The following SLC25A44 variants were observed in gnomAD, a reference collection of about 807,000 sequenced individuals.
SLC25A44 encodes solute carrier family 25 member 44.
SLC25A44 carries 17 observed loss-of-function variants against 29.9 expected under a neutral mutation model. That is an observed-to-expected ratio of 0.57 (90% CI 0.39 to 0.85). The LOEUF (loss-of-function observed/expected upper bound fraction) is 0.85. Ranked by LOEUF, SLC25A44 falls within the 40% of genes least tolerant of loss-of-function variation. SLC25A44 has a pLI of 0.00. For missense variants in SLC25A44, 302 were observed against 398.4 expected (o/e 0.76, Z 2.06); for synonymous variants, 140 against 151.8 (o/e 0.92, Z 0.57).
Position 156,203,995 on chromosome 1 carries a change from C to T in SLC25A44, c.625+3523C>T, listed in dbSNP as rs549840723. On this transcript the variant is annotated intron_variant, in intron 2 of 3. Transcript: ENST00000359511. ...CAGGGATTACAGGCATGAGCCACCGCGCCTGGCCCTTCTTCTTTTTTTTTT... is the reference window on the plus strand; with the variant it reads ...CAGGGATTACAGGCATGAGCCACCGTGCCTGGCCCTTCTTCTTTTTTTTTT... Among the ~76,000 whole-genome samples the T allele has an allele frequency of 2.9e-3, 433 of 149,010 alleles. 3 individuals are homozygous for T. The highest frequency in any genetic ancestry group is 0.01 in the African/African-American group (409 of 40,546).
intron 1 of SLC25A44, chr1:156,199,570 A>C: frequency 2.1e-6 from 1 of 466,188 alleles, no homozygotes. Context: ...AGCCAGGGGA[A>C]TCATTGAAGT....
chr1:156,207,162 ACTCT>A (rs1171947423), intron 2 of SLC25A44, among the ~76,000 whole-genome samples: 1 of 148,472 alleles, frequency 6.7e-6, no homozygotes, highest in Non-Finnish European at 1.5e-5. Context: ...ACATAGTGAG[ACTCT>A]CTATACAAAA....
rs763103072 is a variant in SLC25A44 at position 156,200,386 on chromosome 1, G to A, written c.539G>A (p.Arg180His). 33 of 1,613,930 alleles carry A rather than the reference G, an allele frequency of 2.0e-5. No individual in the cohort carries two copies. Among genetic ancestry groups the A allele is most frequent in the African/African-American group, 5.3e-5 (4 of 74,926 alleles). ...IRQILQADGL[R>H]GFYRGYVASL... ...CAGATCCTGCAGGCTGATGGACTTCGCGGCTTCTATCGAGGCTATGTGGCT... is the reference window on the plus strand; with the variant it reads ...CAGATCCTGCAGGCTGATGGACTTCACGGCTTCTATCGAGGCTATGTGGCT... The change falls in exon 2 of 4, where the codon CGC becomes CAC. Residue 180 changes from arginine to histidine, a missense_variant. By Grantham distance (29) the Arg-to-His change is conservative (BLOSUM62 0). Coordinates refer to ENST00000359511, the MANE Select transcript of SLC25A44 (RefSeq NM_014655.4).
rs759213928 is a variant in SLC25A44, at chr1:156,209,366, TGA to T, written c.754-868_754-867del. On this transcript the variant is annotated intron_variant, in intron 3 of 3. Transcript: ENST00000359511. ...GGTTAGGGAAGCAGAGACGGTCACA[TGA>T]GAGAGTATTGGAGAGGAAGAAGGGA... 1.8e-4 allele frequency among the ~76,000 whole-genome samples: 28 copies of T among 152,036 alleles called. No homozygotes were observed. In the East Asian group the frequency reaches 3.9e-3, roughly 21 times the overall value.
At chr1:156,208,678 T>C (rs539322442) in intron 3 of SLC25A44, among the ~76,000 whole-genome samples, 1 of 152,314 alleles carries the variant, frequency 6.6e-6, no homozygotes, top group Admixed American at 6.5e-5. Context: ...TGCAGGTTTG[T>C]GGTTATAAGA....
intron 2 of SLC25A44, among the ~76,000 whole-genome samples, chr1:156,207,229 G>A (rs1294218631): frequency 6.6e-6 from 1 of 150,852 alleles, no homozygotes; most frequent in Non-Finnish European, 1.5e-5. Context: ...CCAGGCTGGA[G>A]TGCAGTGGCG....
chr1:156,211,102 T>TG lies in SLC25A44; in HGVS notation c.*671_*672insG. The TG allele has an allele frequency of 1.1e-5, 1 of 93,144 alleles. No homozygotes were observed. Among genetic ancestry groups the TG allele is most frequent in the Admixed American group, 1.1e-4 (1 of 9,154 alleles). The allele number at this position is 93,144 out of a possible 1,614,324, so 5.8% of individuals were successfully genotyped here. A position where few individuals can be genotyped will look rare whatever the true frequency, so the allele number is the denominator to read the frequency against. ...TGTGTGTGTGTGTGTGTGTGTGTGT[T>TG]TTAACATCTGTGAACCAGGCTATTA... On this transcript the variant is annotated 3_prime_UTR_variant, in exon 4 of 4. Transcript: ENST00000359511.
At chr1:156,197,275 G>A (rs1387873258) in intron 1 of SLC25A44, 1 of 152,154 alleles carries the variant, frequency 6.6e-6, no homozygotes, top group Non-Finnish European at 1.5e-5. Flanking sequence ...TGGGGAGGAG[G>A]GCCACCTTTG....
intron 2 of SLC25A44, among the ~76,000 whole-genome samples, chr1:156,201,788 C>G (rs962084236): frequency 6.6e-6 from 1 of 152,090 alleles, no homozygotes; most frequent in Non-Finnish European, 1.5e-5. Context: ...TACCCTGACC[C>G]TTTAATGTTA....
chr1:156,207,121 T>C (rs983107768), intron 2 of SLC25A44, among the ~76,000 whole-genome samples: 8 of 152,146 alleles, frequency 5.3e-5, no homozygotes, highest in African/African-American at 1.9e-4. Context: ...GAGAATTGCT[T>C]GAGTCCAGGA....
chr1:156,211,824 AC>A lies in SLC25A44; in HGVS notation c.*1394del, dbSNP rs36005572. 34,123 of 152,578 alleles carry A rather than the reference AC, an allele frequency of 0.22. 4,326 individuals carry two copies. The highest frequency in any genetic ancestry group is 0.29 in the Non-Finnish European group (19,459 of 67,970). The allele number at this position is 152,578 out of a possible 1,614,324, so 9.5% of individuals were successfully genotyped here. A position where few individuals can be genotyped will look rare whatever the true frequency, so the allele number is the denominator to read the frequency against. On this transcript the variant is annotated 3_prime_UTR_variant, in exon 4 of 4. Coordinates refer to ENST00000359511, the MANE Select transcript of SLC25A44 (RefSeq NM_014655.4). ...GTCAAACCCTGCATTTCTACCTGAG[AC>A]GTGTGACCTGGATGATCCTCCAAAC...
At position 156,199,819 on chromosome 1, in the gene SLC25A44, A is replaced by C; in HGVS notation, c.-13-16A>C. The C allele has an allele frequency of 6.3e-7, 1 of 1,598,436 alleles. No individual in the cohort carries two copies. The highest frequency in any genetic ancestry group is 8.5e-7 in the Non-Finnish European group (1 of 1,171,400). On this transcript the variant is annotated splice_polypyrimidine_tract_variant and intron_variant, in intron 1 of 3. Transcript: ENST00000359511. ...ACCCTCCTTCTTCACATCCCTCCAT[A>C]CTGCTCAAATCCCAGGTCTTCAGGC...
At chr1:156,201,858 T>A (rs1656605239) in intron 2 of SLC25A44, among the ~76,000 whole-genome samples, 1 of 152,212 alleles carries the variant, frequency 6.6e-6, no homozygotes, top group African/African-American at 2.4e-5. Flanking sequence ...CCTTCTCTCC[T>A]CACTTGACTG....
intron 1 of SLC25A44, among the ~76,000 whole-genome samples, chr1:156,195,543 C>G (rs748423666): frequency 5.3e-5 from 8 of 152,150 alleles, no homozygotes; most frequent in Non-Finnish European, 1.2e-4. Context: ...TACCGGGAGC[C>G]GAGTGGATAT....
intron 2 of SLC25A44, among the ~76,000 whole-genome samples, chr1:156,206,204 ACAGT>A (rs775361244): frequency 6.6e-5 from 10 of 152,002 alleles, no homozygotes; most frequent in Admixed American, 3.9e-4. Context: ...TTCTGTAGAG[ACAGT>A]CAGTGTCACT....
chr1:156,201,476 C>A (rs1165773245), intron 2 of SLC25A44, among the ~76,000 whole-genome samples: 1 of 152,190 alleles, frequency 6.6e-6, no homozygotes, highest in Non-Finnish European at 1.5e-5. Flanking sequence ...TTCTGTCCCA[C>A]CCCATTGGAA....
rs141811231 is a variant in SLC25A44, at chr1:156,207,944, G to A, written c.684G>A (p.Ser228=). The A allele has an allele frequency of 2.7e-5, 43 of 1,613,980 alleles. No homozygotes were observed. Among genetic ancestry groups the A allele is most frequent in the African/African-American group, 2.3e-4 (17 of 74,992 alleles). The stretch of plus-strand genomic sequence containing the variant: ...CTCACATTGTCTTTCAAGCTGTCTC[G>A]GGGCCCCTGGCTGCAGCCACTGCCT... ...ECPHIVFQAV[S]GPLAAATASI... Residue 228 remains serine (S), a synonymous_variant, in exon 3 of 4, where the codon TCG becomes TCA. Transcript: ENST00000359511.
rs1236087912 is a variant in SLC25A44, at chr1:156,200,391, T to C, written c.544T>C (p.Phe182Leu). Residue 182 changes from phenylalanine to leucine, a missense_variant, in exon 2 of 4, where the codon TTC (phenylalanine) becomes CTC (leucine). By Grantham distance (22) the Phe-to-Leu change is conservative. Coordinates refer to ENST00000359511, the MANE Select transcript of SLC25A44 (RefSeq NM_014655.4). ...QILQADGLRG[F>L]YRGYVASLLT... ...CCTGCAGGCTGATGGACTTCGCGGC[T>C]TCTATCGAGGCTATGTGGCTTCACT... 1 of 1,613,958 alleles carries C rather than the reference T, an allele frequency of 6.2e-7. No homozygotes were observed.
intron 2 of SLC25A44, among the ~76,000 whole-genome samples, chr1:156,205,422 G>A (rs751870027): frequency 5.3e-5 from 8 of 152,160 alleles, no homozygotes; most frequent in Non-Finnish European, 1.0e-4. Context: ...GATCTCATAT[G>A]CTGTTCCTTC....
Sources: allele counts gnomAD v4.1 joint callset (sites outside exome capture counted in the v4.1 genomes callset), GRCh38; gene constraint gnomAD v4.1.1; transcripts MANE v1.5; gene names NCBI Gene and HGNC (gene_info 2026-07-23, HGNC 2026-07-21).